Variants in NPAS3 observed in about 807,000 individuals in gnomAD.
The protein encoded by NPAS3 is neuronal PAS domain protein 3.
NPAS3 carries 14 observed loss-of-function variants against 73.1 expected under a neutral mutation model. The ratio of observed to expected loss-of-function variants is 0.19; its 90% confidence interval spans 0.13 to 0.30. The LOEUF (loss-of-function observed/expected upper bound fraction) is 0.30. NPAS3 is among the 10% of genes least tolerant of loss of function. NPAS3 has a pLI of 1.00. For missense variants in NPAS3, 1,096 were observed against 1,250.0 expected, an observed-to-expected ratio of 0.88 and a Z score of 1.86; for synonymous variants, 620 against 541.5, an observed-to-expected ratio of 1.14 and a Z score of -2.01.
exon 4 of NPAS3, chr14:33,367,193 T>A (rs1360838693): frequency 4.6e-6 from 4 of 860,580 alleles, no homozygotes; most frequent in Non-Finnish European, 8.0e-6. Context: ...AAGTTATAGG[T>A]GCACAGCGAA....
At chr14:33,243,559 C>T (rs986847832) in intron 3 of NPAS3, among the ~76,000 whole-genome samples, 1 of 151,996 alleles carries the variant, frequency 6.6e-6, no homozygotes, top group Non-Finnish European at 1.5e-5. Context: ...ACTCTGAGAA[C>T]CATTCACTCA....
At chr14:33,103,773 T>A (rs780247640) in intron 2 of NPAS3, among the ~76,000 whole-genome samples, 4 of 152,102 alleles carry the variant, frequency 2.6e-5, no homozygotes, top group Non-Finnish European at 4.4e-5. Context: ...AGGATGACTT[T>A]GTCCGGAGAT....
At position 33,058,520 on chromosome 14, in the gene NPAS3, T is replaced by G. The variant is rs17100028; in HGVS notation, c.140+2526T>G. Among the ~76,000 whole-genome samples, 1,297 of 152,290 alleles carry G rather than the reference T, an allele frequency of 8.5e-3. 12 individuals are homozygous for G. The highest frequency in any genetic ancestry group is 0.028 in the African/African-American group (1,170 of 41,550). Reference sequence around the variant, plus strand: ...ATAGATACAGACAAATGACATATCATCCAATCTTCAATGAGCTTATAGTCT... The same window carrying G: ...ATAGATACAGACAAATGACATATCAGCCAATCTTCAATGAGCTTATAGTCT... On this transcript the variant is annotated intron_variant, in intron 2 of 11. Transcript: ENST00000356141.
intron 5 of NPAS3, among the ~76,000 whole-genome samples, chr14:33,643,956 G>A (rs1278231776): frequency 6.6e-6 from 1 of 151,972 alleles, no homozygotes; most frequent in African/African-American, 2.4e-5. Flanking sequence ...TGTCAAGTCT[G>A]ACAAAGCTTT....
Position 33,646,301 on chromosome 14 carries a change from G to A in NPAS3, c.559-29910G>A, listed in dbSNP as rs571094834. ...ATATGTACAAAGGAGTAGGGGAAAT[G>A]CCATCTATAAGAATAATCCATTACA... On this transcript the variant is annotated intron_variant, in intron 5 of 11. Coordinates refer to ENST00000356141, the Ensembl canonical transcript of NPAS3. Among the ~76,000 whole-genome samples, 27 of 152,246 alleles carry A rather than the reference G, an allele frequency of 1.8e-4. No individual in the cohort carries two copies. In the East Asian group the frequency reaches 5.2e-3, roughly 29 times the overall value.
intron 3 of NPAS3, among the ~76,000 whole-genome samples, chr14:33,329,667 A>G (rs1314642645): frequency 6.6e-6 from 1 of 152,110 alleles, no homozygotes; most frequent in African/African-American, 2.4e-5. Flanking sequence ...AGGCAGGGGC[A>G]TGATCCTTCA....
At chr14:33,370,183 C>T (rs568146311) in intron 4 of NPAS3, among the ~76,000 whole-genome samples, 195 of 152,232 alleles carry the variant, frequency 1.3e-3, no homozygotes, top group African/African-American at 4.4e-3. Flanking sequence ...AGCTTACAGT[C>T]ATTCAGGGAA....
intron 7 of NPAS3, among the ~76,000 whole-genome samples, chr14:33,762,654 T>A (rs771467049): frequency 1.3e-5 from 2 of 152,204 alleles, no homozygotes; most frequent in Non-Finnish European, 2.9e-5. Flanking sequence ...AGGAAACTGC[T>A]GTCGCTGCTG....
chr14:33,286,873 A>G (rs541768299), intron 3 of NPAS3, among the ~76,000 whole-genome samples: 171 of 152,266 alleles, frequency 1.1e-3, no homozygotes, highest in African/African-American at 3.8e-3. Context: ...TGAAAATATG[A>G]TATTTCTCCA....
At chr14:33,198,230 T>C (rs560203736) in intron 2 of NPAS3, among the ~76,000 whole-genome samples, 2 of 152,164 alleles carry the variant, frequency 1.3e-5, no homozygotes, top group Admixed American at 6.5e-5. Context: ...AGAACAAAGC[T>C]TCCACAGCAT....
chr14:33,549,094 T>A (rs1049643699), intron 4 of NPAS3, among the ~76,000 whole-genome samples: 1 of 150,344 alleles, frequency 6.7e-6, no homozygotes, highest in Non-Finnish European at 1.5e-5. Flanking sequence ...CTGAAAAAAA[T>A]GACCATCCAG....
At chr14:33,160,746 G>T (rs9788470) in intron 2 of NPAS3, among the ~76,000 whole-genome samples, 87,147 of 144,392 alleles carry the variant, frequency 0.6, 25,264 homozygotes, top group East Asian at 0.69. Context: ...CTTTTTTTTT[G>T]TTTTAAGTCA....
At chr14:33,195,245 T>A (rs578099736) in intron 2 of NPAS3, among the ~76,000 whole-genome samples, 48 of 151,932 alleles carry the variant, frequency 3.2e-4, no homozygotes, top group African/African-American at 4.8e-4. Context: ...AAAAAAAAAA[T>A]TTAAAAAAGG....
intron 5 of NPAS3, among the ~76,000 whole-genome samples, chr14:33,657,798 A>C (rs1238309110): frequency 6.6e-6 from 1 of 152,228 alleles, no homozygotes; most frequent in Admixed American, 6.5e-5. Context: ...GTAAAAAAAA[A>C]AAAGATAATT....
chr14:33,055,443 T>C lies in NPAS3; in HGVS notation c.51-462T>C, dbSNP rs1338595254. 5.3e-5 allele frequency among the ~76,000 whole-genome samples: 8 copies of C among 152,208 alleles called. No individual in the cohort carries two copies. In the South Asian group the frequency reaches 1.0e-3, roughly 20 times the overall value. ...AAGTCCATAGCAAACTCTATATAAATTGAATAGAGCTGAAAAATATATTAA... is the reference window on the plus strand; with the variant it reads ...AAGTCCATAGCAAACTCTATATAAACTGAATAGAGCTGAAAAATATATTAA... On this transcript the variant is annotated intron_variant, in intron 1 of 11. Transcript: ENST00000356141.
At chr14:33,109,810 C>CTTTTTTTTTTTTTTTTTTTTTT in intron 2 of NPAS3, among the ~76,000 whole-genome samples, 1 of 86,948 alleles carries the variant, frequency 1.2e-5, no homozygotes, top group Non-Finnish European at 2.1e-5. Flanking sequence ...ATTTGCATGT[C>CTTTTTTTTTTTTTTTTTTTTTT]TTTTTTTTTT....
chr14:33,273,190 C>G (rs1396143914), intron 3 of NPAS3, among the ~76,000 whole-genome samples: 1 of 152,124 alleles, frequency 6.6e-6, no homozygotes, highest in Non-Finnish European at 1.5e-5. Context: ...CCCGCTCTTC[C>G]CCAGACTCAC....
intron 4 of NPAS3, among the ~76,000 whole-genome samples, chr14:33,514,816 T>TTAAATCCAATTAA (rs1277079722): frequency 6.6e-6 from 1 of 152,086 alleles, no homozygotes; most frequent in African/African-American, 2.4e-5. Flanking sequence ...AAGTCATTTT[T>TTAAATCCAATTAA]AATCCAATTA....
At chr14:33,182,180 G>A (rs1462869857) in intron 2 of NPAS3, among the ~76,000 whole-genome samples, 2 of 152,186 alleles carry the variant, frequency 1.3e-5, no homozygotes, top group Non-Finnish European at 2.9e-5. Flanking sequence ...TTTTAAAGAA[G>A]ATGGCAATTG....
Sources: gnomAD v4.1 joint callset for allele counts (sites outside exome capture counted in the v4.1 genomes callset) on GRCh38, gnomAD v4.1.1 for gene constraint, MANE v1.5 for transcripts, NCBI Gene and HGNC (gene_info 2026-07-23, HGNC 2026-07-21) for gene names.